WWC2: variants seen among roughly 807,000 people sequenced by gnomAD.
The protein encoded by WWC2 is protein WWC2.
Under a neutral mutation model 138.5 loss-of-function variants are expected in WWC2, and 101 were observed. That is an observed-to-expected ratio of 0.73 (90% CI 0.62 to 0.86). The LOEUF is 0.86. WWC2 is among the 40% of genes least tolerant of loss of function. The pLI is 0.00. For missense variants in WWC2, 1,420 were observed against 1,419.4 expected (o/e 1.00, Z -0.01); for synonymous variants, 558 against 538.4 (o/e 1.04, Z -0.50).
chr4:183,153,170 G>A (rs568330426), intron 1 of WWC2, among the ~76,000 whole-genome samples: 1 of 152,310 alleles, frequency 6.6e-6, no homozygotes, highest in African/African-American at 2.4e-5. Flanking sequence ...CTTCTAAAGT[G>A]CTGGCATTGC....
chr4:183,287,186 CT>C (rs1211325044), intron 20 of WWC2, among the ~76,000 whole-genome samples: 1 of 152,144 alleles, frequency 6.6e-6, no homozygotes, highest in Non-Finnish European at 1.5e-5. Flanking sequence ...GTGGGCGCCC[CT>C]GGTTTAACTT....
chr4:183,282,705 T>G lies in WWC2; in HGVS notation c.2685-3T>G. ...AAAGTGTTTTGTTTTTGTTTTACCA[T>G]AGGCTAACAATGCTAAGAGAGGCCT... On this transcript the variant is annotated splice_region_variant and splice_polypyrimidine_tract_variant and intron_variant, in intron 17 of 22. Transcript: ENST00000403733. 1 of 1,563,320 alleles carries G rather than the reference T, an allele frequency of 6.4e-7. No homozygotes were observed. Among genetic ancestry groups the G allele is most frequent in the South Asian group, 1.2e-5 (1 of 84,708 alleles).
chr4:183,112,765 G>T (rs1476892395), intron 1 of WWC2, among the ~76,000 whole-genome samples: 1 of 152,078 alleles, frequency 6.6e-6, no homozygotes. Context: ...GGTGGGAGCT[G>T]CTTTGGGTTA....
At chr4:183,171,591 T>C (rs949475032) in intron 1 of WWC2, among the ~76,000 whole-genome samples, 1 of 152,162 alleles carries the variant, frequency 6.6e-6, no homozygotes, top group Non-Finnish European at 1.5e-5. Context: ...ATTGGAAACT[T>C]AGTGGGAGAT....
intron 5 of WWC2, among the ~76,000 whole-genome samples, chr4:183,241,310 T>C (rs73870386): frequency 0.034 from 5,236 of 152,310 alleles, 312 homozygotes; most frequent in African/African-American, 0.12. Flanking sequence ...TCTGCTCTTA[T>C]TTGGGATGCT....
At chr4:183,178,968 T>G (rs1328857303) in intron 1 of WWC2, among the ~76,000 whole-genome samples, 1 of 152,176 alleles carries the variant, frequency 6.6e-6, no homozygotes, top group African/African-American at 2.4e-5. Flanking sequence ...TTGGATACAA[T>G]TAAAATGGCT....
intron 9 of WWC2, among the ~76,000 whole-genome samples, chr4:183,255,406 T>A (rs907358): frequency 6.6e-6 from 1 of 152,218 alleles, no homozygotes; most frequent in South Asian, 2.1e-4. Flanking sequence ...ATTACCCTGA[T>A]GTGTCTAAAT....
chr4:183,219,447 C>A (rs34697135), intron 4 of WWC2, among the ~76,000 whole-genome samples: 2,616 of 152,088 alleles, frequency 0.017, 79 homozygotes, highest in African/African-American at 0.06. Flanking sequence ...ATGATACCAC[C>A]TGGAAATTTG....
intron 2 of WWC2, among the ~76,000 whole-genome samples, chr4:183,205,183 A>AT (rs1270981618): frequency 1.3e-5 from 2 of 152,212 alleles, no homozygotes; most frequent in African/African-American, 2.4e-5. Context: ...CCCGGTAGCA[A>AT]TGAATGAGAA....
chr4:183,273,523 C>T (rs898483036), intron 16 of WWC2, among the ~76,000 whole-genome samples: 1 of 152,238 alleles, frequency 6.6e-6, no homozygotes, highest in South Asian at 2.1e-4. Context: ...AGGCTGGTCT[C>T]AAACTCCCGA....
chr4:183,315,144 C>A (rs75079713), intron 22 of WWC2, among the ~76,000 whole-genome samples: 1 of 152,248 alleles, frequency 6.6e-6, no homozygotes, highest in South Asian at 2.1e-4. Context: ...TCAGCCTCTC[C>A]GCTGCTTCGG....
In WWC2 at chr4:183,316,133, T is replaced by A. The variant is rs1299881325; in HGVS notation, c.*404T>A. 1 of 182,470 alleles carries A rather than the reference T, an allele frequency of 5.5e-6. No homozygotes were observed. Among genetic ancestry groups the A allele is most frequent in the African/African-American group, 2.4e-5 (1 of 42,002 alleles). 11.3% of individuals were successfully genotyped at this position (182,470 alleles called of 1,614,324 possible). On this transcript the variant is annotated 3_prime_UTR_variant, in exon 23 of 23. Transcript: ENST00000403733. ...TGTTCCTGTGAGTAGGCTGTGCCGA[T>A]GGCAGCAGCGCCACGTGGTATCTGT...
At chr4:183,167,849 G>A (rs1261835461) in intron 1 of WWC2, among the ~76,000 whole-genome samples, 1 of 118,050 alleles carries the variant, frequency 8.5e-6, no homozygotes, top group Non-Finnish European at 1.7e-5. Flanking sequence ...GTTGGCCATG[G>A]AAGTTTGTGA....
At position 183,180,191 on chromosome 4, in the gene WWC2, C is replaced by T. The variant is rs975321026; in HGVS notation, c.132-13408C>T. ...GCACGTGTTAAAGATATTTTTGCTA[C>T]TTGTATATCAGGCGGACTGGCTTCT... On this transcript the variant is annotated intron_variant, in intron 1 of 22. Coordinates refer to ENST00000403733, the MANE Select transcript of WWC2 (RefSeq NM_024949.6). Among the ~76,000 whole-genome samples, 9 of 152,236 alleles carry T rather than the reference C, an allele frequency of 5.9e-5. No individual in the cohort carries two copies. The East Asian group carries it at 1.5e-3, about 26-fold the overall frequency.
At chr4:183,104,657 G>T (rs1178676364) in intron 1 of WWC2, among the ~76,000 whole-genome samples, 1 of 152,084 alleles carries the variant, frequency 6.6e-6, no homozygotes, top group South Asian at 2.1e-4. Context: ...GTGTGGAGAG[G>T]TTGTTAAAAG....
In WWC2 at chr4:183,316,038, C is replaced by T; in HGVS notation, c.*309C>T. ...GTAAAAATGGAATAGAGGCAGTACC[C>T]CACATGTGTACTGTTGAGCCGGCTG... On this transcript the variant is annotated 3_prime_UTR_variant, in exon 23 of 23. Transcript: ENST00000403733. 1 of 219,958 alleles carries T rather than the reference C, an allele frequency of 4.5e-6. No homozygotes were observed. The highest frequency in any genetic ancestry group is 8.8e-6 in the Non-Finnish European group (1 of 113,188). The allele number at this position is 219,958 out of a possible 1,614,324, so 13.6% of individuals were successfully genotyped here.
Position 183,158,257 on chromosome 4 carries a change from C to T in WWC2, c.132-35342C>T, listed in dbSNP as rs187062194. ...CAAAATTGCACAATAAAAACCACAG[C>T]GCTTGTGGAAAAAATGAGGTTTGGG... On this transcript the variant is annotated intron_variant, in intron 1 of 22. Transcript: ENST00000403733. Among the ~76,000 whole-genome samples, 52 of 152,096 alleles carry T rather than the reference C, an allele frequency of 3.4e-4. No homozygotes were observed. The East Asian group carries it at 4.5e-3, about 13-fold the overall frequency.
intron 4 of WWC2, chr4:183,233,639 C>T (rs1176731325): frequency 1.3e-5 from 2 of 152,020 alleles, no homozygotes; most frequent in Non-Finnish European, 2.9e-5. Flanking sequence ...TGTGTTTAGC[C>T]ATCTCGTTTC....
intron 1 of WWC2, among the ~76,000 whole-genome samples, chr4:183,105,199 T>C (rs1184523042): frequency 1.3e-5 from 2 of 152,200 alleles, no homozygotes; most frequent in African/African-American, 4.8e-5. Flanking sequence ...TCTTTAAATA[T>C]GTTATTTGTT....
Sources: allele counts gnomAD v4.1 joint callset (sites outside exome capture counted in the v4.1 genomes callset), GRCh38; gene constraint gnomAD v4.1.1; transcripts MANE v1.5; gene names NCBI Gene and HGNC (gene_info 2026-07-23, HGNC 2026-07-21).